Variants in MYOF observed in about 807,000 individuals in gnomAD.
MYOF encodes myoferlin, also known as fer-1-like 3, myoferlin.
In MYOF, 244 loss-of-function variants were observed where a neutral mutation model predicts 284.2. The ratio of observed to expected loss-of-function variants is 0.86; its 90% CI spans 0.77 to 0.95. MYOF has a LOEUF of 0.95. Among genes scored for constraint, MYOF ranks in the 40% least tolerant of loss-of-function variants. MYOF has a pLI of 0.00. For missense variants in MYOF, 2,496 were observed against 2,560.6 expected (o/e 0.97, Z 0.54); for synonymous variants, 904 against 919.7 (o/e 0.98, Z 0.31).
intron 3 of MYOF, among the ~76,000 whole-genome samples, chr10:93,451,248 G>T (rs531740339): frequency 9.9e-5 from 15 of 152,110 alleles, no homozygotes; most frequent in Non-Finnish European, 1.5e-4. Context: ...GCTGAGGCAG[G>T]AGAATTGCTT....
chr10:93,334,160 A>G (rs994964681), intron 41 of MYOF, among the ~76,000 whole-genome samples: 2 of 152,114 alleles, frequency 1.3e-5, no homozygotes, highest in African/African-American at 4.8e-5. Flanking sequence ...AGAGGAGAAC[A>G]TGGGCCAGTG....
At chr10:93,436,198 A>G (rs1051139002) in intron 3 of MYOF, among the ~76,000 whole-genome samples, 1 of 152,138 alleles carries the variant, frequency 6.6e-6, no homozygotes, top group Non-Finnish European at 1.5e-5. Context: ...GCTTACCTAA[A>G]ACACAAAGCC....
chr10:93,313,270 A>T, intron 50 of MYOF, 60 bp from the exon 51 acceptor site: 2 of 1,488,698 alleles, frequency 1.3e-6, no homozygotes, highest in Non-Finnish European at 1.8e-6. Context: ...TGTTGTTCAC[A>T]AGTGAACAGA....
At chr10:93,348,486 C>T (rs557644669) in intron 36 of MYOF, among the ~76,000 whole-genome samples, 1 of 152,096 alleles carries the variant, frequency 6.6e-6, no homozygotes, top group African/African-American at 2.4e-5. Context: ...TGGCTTGACA[C>T]AGGAATAGAA....
At position 93,401,622 on chromosome 10, in the gene MYOF, G is replaced by T. The variant is rs1216315176; in HGVS notation, c.991-78C>A. On this transcript the variant is annotated intron_variant, in intron 11 of 53. Transcript: ENST00000359263. ...AAAGCCAAATTAATGCTTATAAAAT[G>T]AAACCATTCAGAATCGTTTCCATTA... is the stretch of plus-strand genomic sequence containing the variant. The T allele has an allele frequency of 1.9e-6, 3 of 1,544,738 alleles. No homozygotes were observed. In the East Asian group the frequency reaches 6.8e-5, roughly 35 times the overall value.
chr10:93,389,355 G>T (rs1268206041), intron 17 of MYOF, among the ~76,000 whole-genome samples: 1 of 152,082 alleles, frequency 6.6e-6, no homozygotes, highest in Admixed American at 6.5e-5. Flanking sequence ...AAAACATTTG[G>T]GGGTAGCGCA....
At chr10:93,369,610 C>A (rs1845493477) in intron 25 of MYOF, 35 bp downstream of exon 25, 1 of 1,610,758 alleles carries the variant, frequency 6.2e-7, no homozygotes, top group Non-Finnish European at 8.5e-7. Flanking sequence ...CTCCCCCGAC[C>A]AAAGAAGAAA....
At chr10:93,369,845 C>A in intron 24 of MYOF, 69 bp from the exon 25 acceptor site, 2 of 1,573,410 alleles carry the variant, frequency 1.3e-6, no homozygotes, top group East Asian at 2.3e-5. Flanking sequence ...AAGTTAAAGC[C>A]AAAAACAGAG....
intron 3 of MYOF, among the ~76,000 whole-genome samples, chr10:93,443,466 CTCTCTCTGTG>C (rs754938496): frequency 5.2e-5 from 6 of 116,486 alleles, no homozygotes; most frequent in African/African-American, 1.6e-4. Context: ...CTCTCTCTCT[CTCTCTCTGTG>C]TGTGTGTGTG....
At chr10:93,410,075 GGAA>G (rs1267140975) in intron 5 of MYOF, among the ~76,000 whole-genome samples, 1 of 152,142 alleles carries the variant, frequency 6.6e-6, no homozygotes, top group African/African-American at 2.4e-5. Context: ...GATGGAAAAA[GGAA>G]GAAACATCAC....
At chr10:93,481,829 T>C (rs2057385617) in intron 1 of MYOF, among the ~76,000 whole-genome samples, 1 of 152,204 alleles carries the variant, frequency 6.6e-6, no homozygotes, top group Non-Finnish European at 1.5e-5. Flanking sequence ...TGTTGATACC[T>C]GAAATTTAGT....
intron 4 of MYOF, 58 bp downstream of exon 4, chr10:93,431,350 T>C: frequency 2.0e-6 from 3 of 1,489,134 alleles, no homozygotes; most frequent in Non-Finnish European, 2.8e-6. Context: ...TTTTTCTTAA[T>C]GAAATTTTGC....
intron 18 of MYOF, 62 bp downstream of exon 18, chr10:93,388,968 A>G (rs888239140): frequency 6.4e-7 from 1 of 1,568,258 alleles, no homozygotes; most frequent in Non-Finnish European, 8.6e-7. Flanking sequence ...ATCAGACATT[A>G]TAAGAAGAAA....
chr10:93,393,366 T>G (rs1443358949), intron 16 of MYOF, among the ~76,000 whole-genome samples: 1 of 152,224 alleles, frequency 6.6e-6, no homozygotes. Flanking sequence ...GCCTGGAGTT[T>G]ATTGCACATT....
At chr10:93,470,615 T>C (rs2057124115) in intron 1 of MYOF, among the ~76,000 whole-genome samples, 1 of 152,156 alleles carries the variant, frequency 6.6e-6, no homozygotes, top group Non-Finnish European at 1.5e-5. Context: ...TTGGCCAGGC[T>C]GGTCTCGAAC....
At chr10:93,321,658 C>T (rs138997548) in intron 48 of MYOF, among the ~76,000 whole-genome samples, 1 of 152,144 alleles carries the variant, frequency 6.6e-6, no homozygotes, top group African/African-American at 2.4e-5. Flanking sequence ...GGGTCACCAT[C>T]ATCCTACCCT....
rs369530941 is a variant in MYOF, at chr10:93,351,287, G to A, written c.3831C>T (p.Ser1277=). The change falls in exon 35 of 54, where the codon TCC becomes TCT. Residue 1277 remains serine (S), a synonymous_variant. Transcript: ENST00000359263. ...AELILRGKDG[S]NLPILPPQRA... ...TTTGAGGGGGAAGAATGGGAAGGTT[G>A]GAGCCATCCTGTGAAACAAACATGG... 1.6e-5 allele frequency: 25 copies of A among 1,612,700 alleles called. No homozygotes were observed. Among genetic ancestry groups the A allele is most frequent in the Non-Finnish European group, 1.9e-5 (22 of 1,179,508 alleles).
At chr10:93,356,882 T>C (rs568632343) in intron 29 of MYOF, 34 bp from the exon 30 acceptor site, 177 of 1,548,436 alleles carry the variant, frequency 1.1e-4, no homozygotes, top group African/African-American at 4.4e-4. Context: ...ATGATGACGA[T>C]GATGATGATG....
At chr10:93,331,140 C>T (rs1018816635) in intron 43 of MYOF, among the ~76,000 whole-genome samples, 3 of 152,120 alleles carry the variant, frequency 2.0e-5, no homozygotes, top group Non-Finnish European at 4.4e-5. Context: ...GTGGAAGACA[C>T]CGATATTCTT....
Sources: allele counts gnomAD v4.1 joint callset (sites outside exome capture counted in the v4.1 genomes callset), GRCh38; gene constraint gnomAD v4.1.1; transcripts MANE v1.5; gene names NCBI Gene and HGNC (gene_info 2026-07-23, HGNC 2026-07-21).